The following GPX6 variants were observed in gnomAD, a reference collection of about 807,000 sequenced individuals.
The protein encoded by GPX6 is glutathione peroxidase 6.
A neutral mutation model predicts 20.0 loss-of-function variants in GPX6; 21 were observed. The ratio of observed to expected loss-of-function variants is 1.05; its 90% confidence interval spans 0.74 to 1.51. The LOEUF is 1.51. Ranked by LOEUF, GPX6 falls within the 40% of genes most tolerant of loss-of-function variation. The pLI, the probability that GPX6 is intolerant of heterozygous loss-of-function variation, is 0.00. For missense variants in GPX6, 233 were observed against 254.7 expected (o/e 0.91, Z 0.58); for synonymous variants, 75 against 98.0 (o/e 0.77, Z 1.38).
At position 28,511,739 on chromosome 6, in the gene GPX6, G is replaced by C. The variant is rs977456481; in HGVS notation, c.88-835C>G. The stretch of plus-strand genomic sequence containing the variant: ...CTCGGCCTTGGCGCCCACTCTGGTC[G>C]CGCTTAAGAGGCCCTTCAGCCCGCG... On this transcript the variant is annotated intron_variant, in intron 1 of 4. Transcript: ENST00000361902. Among the ~76,000 whole-genome samples the C allele has an allele frequency of 3.3e-5, 5 of 152,262 alleles. No individual in the cohort carries two copies. In the South Asian group the frequency reaches 1.0e-3, roughly 31 times the overall value.
chr6:28,512,508 G>A (rs1762903403), intron 1 of GPX6, among the ~76,000 whole-genome samples: 1 of 152,168 alleles, frequency 6.6e-6, no homozygotes. Flanking sequence ...CTCAGGGATT[G>A]TAAAGGCACC....
At chr6:28,509,097 A>G (rs1762835898) in intron 2 of GPX6, among the ~76,000 whole-genome samples, 1 of 152,246 alleles carries the variant, frequency 6.6e-6, no homozygotes. Flanking sequence ...TTTAAGTGTT[A>G]CTTAAAAGGG....
At chr6:28,510,196 C>T (rs1229573528) in intron 2 of GPX6, among the ~76,000 whole-genome samples, 1 of 152,208 alleles carries the variant, frequency 6.6e-6, no homozygotes, top group Non-Finnish European at 1.5e-5. Flanking sequence ...TTGTCCAAAT[C>T]GCAACAATGA....
At chr6:28,507,266 C>T (rs1762816283) in intron 2 of GPX6, among the ~76,000 whole-genome samples, 1 of 152,208 alleles carries the variant, frequency 6.6e-6, no homozygotes, top group Admixed American at 6.5e-5. Context: ...CTGGAATGTC[C>T]CCTAAGAACC....
chr6:28,505,841 T>C (rs551746477), intron 3 of GPX6, 39 bp from the exon 4 acceptor site: 1 of 1,480,818 alleles, frequency 6.8e-7, no homozygotes, highest in East Asian at 2.3e-5. Context: ...AGATACAAAT[T>C]AAGACATGGA....
At position 28,508,785 on chromosome 6, in the gene GPX6, C is replaced by T. The variant is rs190364070; in HGVS notation, c.241+1966G>A. On this transcript the variant is annotated intron_variant, in intron 2 of 4. Transcript: ENST00000361902. ...TTGTGCCCCTGCACTCCAGCCTGGGCGACAGAGCAAGACCCTGTCTCAAAA... is the reference window on the plus strand; with the variant it reads ...TTGTGCCCCTGCACTCCAGCCTGGGTGACAGAGCAAGACCCTGTCTCAAAA... Among the ~76,000 whole-genome samples the T allele has an allele frequency of 5.7e-3, 865 of 152,140 alleles. 25 individuals carry two copies. The highest frequency in any genetic ancestry group is 1.7e-3 in the Non-Finnish European group (118 of 67,994).
intron 4 of GPX6, 133 bp downstream of exon 4, chr6:28,505,570 G>T: frequency 1.5e-6 from 1 of 657,222 alleles, no homozygotes; most frequent in Non-Finnish European, 2.7e-6. Context: ...CATCACAGCA[G>T]ATATTGCCAT....
Position 28,504,530 on chromosome 6 carries a change from C to T in GPX6, c.460-32G>A. 2.6e-6 allele frequency: 4 copies of T among 1,563,274 alleles called. No homozygotes were observed. In the South Asian group the frequency reaches 3.4e-5, roughly 13 times the overall value. Reference sequence around the variant, plus strand: ...CAGAGATATAGAAAGTAGAGATATACATTTATTTCTACTTTATTTCTACTT... The same window carrying T: ...CAGAGATATAGAAAGTAGAGATATATATTTATTTCTACTTTATTTCTACTT... On this transcript the variant is annotated intron_variant, in intron 4 of 4. Transcript: ENST00000361902.
intron 2 of GPX6, among the ~76,000 whole-genome samples, chr6:28,506,709 A>ACACG (rs1420000305): frequency 9.4e-6 from 1 of 106,460 alleles, no homozygotes; most frequent in Non-Finnish European, 2.0e-5. Flanking sequence ...TTTTTTAAAC[A>ACACG]CACACACACA....
rs1224938355 is a variant in GPX6, at chr6:28,515,642, C to G, written c.87+15G>C. ...ACGTGCTGGAATCAGCTCGGATCCC[C>G]TGCCCCATGCTCACCTTCCTATTTT... On this transcript the variant is annotated intron_variant, in intron 1 of 4. Coordinates refer to ENST00000361902, the MANE Select transcript of GPX6 (RefSeq NM_182701.1). 4 of 1,607,382 alleles carry G rather than the reference C, an allele frequency of 2.5e-6. No individual in the cohort carries two copies. Among genetic ancestry groups the G allele is most frequent in the Non-Finnish European group, 3.4e-6 (4 of 1,174,078 alleles).
chr6:28,512,323 A>G (rs927844078), intron 1 of GPX6, among the ~76,000 whole-genome samples: 5 of 152,226 alleles, frequency 3.3e-5, no homozygotes, highest in Non-Finnish European at 7.3e-5. Flanking sequence ...GGCACTCTGT[A>G]TCTAGCTCAA....
At chr6:28,512,748 G>A (rs1398774738) in intron 1 of GPX6, among the ~76,000 whole-genome samples, 2 of 152,132 alleles carry the variant, frequency 1.3e-5, no homozygotes, top group South Asian at 2.1e-4. Flanking sequence ...AACACTCACC[G>A]TGAAGGTCTA....
At chr6:28,515,542 TG>T in intron 1 of GPX6, 114 bp downstream of exon 1, 1 of 734,216 alleles carries the variant, frequency 1.4e-6, no homozygotes, top group Non-Finnish European at 2.4e-6. Context: ...GAAGAAGGGC[TG>T]GGAATGCAGA....
At chr6:28,514,480 G>A (rs1461174141) in intron 1 of GPX6, among the ~76,000 whole-genome samples, 2 of 152,196 alleles carry the variant, frequency 1.3e-5, no homozygotes, top group East Asian at 1.9e-4. Context: ...GAGGTTGTCC[G>A]TTCAAGTGAT....
chr6:28,505,570 G>C (rs530723572), intron 4 of GPX6, 133 bp downstream of exon 4: 16 of 657,104 alleles, frequency 2.4e-5, no homozygotes, highest in Non-Finnish European at 4.1e-5. Flanking sequence ...CATCACAGCA[G>C]ATATTGCCAT....
At chr6:28,514,694 G>A (rs1260648135) in intron 1 of GPX6, among the ~76,000 whole-genome samples, 1 of 152,186 alleles carries the variant, frequency 6.6e-6, no homozygotes, top group South Asian at 2.1e-4. Context: ...AGTCTTGGGT[G>A]GGGCCCAGCA....
intron 1 of GPX6, 138 bp downstream of exon 1, chr6:28,515,519 T>C (rs1763009083): frequency 1.5e-6 from 1 of 665,816 alleles, no homozygotes; most frequent in Non-Finnish European, 2.7e-6. Context: ...AGGATAGCAA[T>C]GTCAGGATTT....
chr6:28,510,858 G>C lies in GPX6; in HGVS notation c.134C>G (p.Ala45Gly). 1 of 1,613,760 alleles carries C rather than the reference G, an allele frequency of 6.2e-7. No individual in the cohort carries two copies. The highest frequency in any genetic ancestry group is 1.1e-5 in the South Asian group (1 of 91,060). Residue 45 changes from alanine to glycine, a missense_variant, in exon 2 of 5, where the codon GCC becomes GGC. By Grantham distance (60) the Ala-to-Gly change is moderately conservative. Coordinates refer to ENST00000361902, the MANE Select transcript of GPX6 (RefSeq NM_182701.1). The stretch of plus-strand genomic sequence containing the variant: ...GTACTCCTCGCCGTTGAGGGTGAGG[G>C]CTCCATACTCATAGATGGTGCCTGT... Reference protein sequence around the residue: ...GVTGTIYEYGALTLNGEEYIQ... With the variant: ...GVTGTIYEYGGLTLNGEEYIQ...
In GPX6 at chr6:28,515,654, C is replaced by T. The variant is rs1187741301; in HGVS notation, c.87+3G>A. The stretch of plus-strand genomic sequence containing the variant: ...CAGCTCGGATCCCCTGCCCCATGCT[C>T]ACCTTCCTATTTTGAGGCTTTAGGG... On this transcript the variant is annotated splice_donor_region_variant and intron_variant, in intron 1 of 4. Coordinates refer to ENST00000361902, the MANE Select transcript of GPX6 (RefSeq NM_182701.1). 2.5e-6 allele frequency: 4 copies of T among 1,612,866 alleles called. No homozygotes were observed. The highest frequency in any genetic ancestry group is 2.7e-5 in the African/African-American group (2 of 74,866).
Sources: gnomAD v4.1 joint callset for allele counts (sites outside exome capture counted in the v4.1 genomes callset) on GRCh38, gnomAD v4.1.1 for gene constraint, MANE v1.5 for transcripts, NCBI Gene and HGNC (gene_info 2026-07-23, HGNC 2026-07-21) for gene names.